HHAT: variants seen among roughly 807,000 people sequenced by gnomAD.
The protein encoded by HHAT is protein-cysteine N-palmitoyltransferase HHAT.
In HHAT, 47 loss-of-function variants were observed where a neutral mutation model predicts 70.8. The ratio of observed to expected loss-of-function variants is 0.66; its 90% CI spans 0.53 to 0.85. HHAT has a LOEUF of 0.85. Among genes scored for constraint, HHAT ranks in the 40% least tolerant of loss-of-function variants. The pLI is 0.00. For synonymous variants in HHAT, 228 were observed against 247.6 expected (o/e 0.92, Z 0.74); for missense variants, 609 against 604.8 (o/e 1.01, Z -0.07).
At chr1:210,581,294 T>C (rs1394005027) in intron 9 of HHAT, among the ~76,000 whole-genome samples, 1 of 152,248 alleles carries the variant, frequency 6.6e-6, no homozygotes, top group East Asian at 1.9e-4. Context: ...TTCTGAGAAC[T>C]ACCTAGAAGA....
At chr1:210,390,092 A>G (rs2091354617) in intron 4 of HHAT, among the ~76,000 whole-genome samples, 1 of 152,228 alleles carries the variant, frequency 6.6e-6, no homozygotes, top group Non-Finnish European at 1.5e-5. Context: ...GGTTGAAGTA[A>G]GTTTAAATAT....
intron 7 of HHAT, among the ~76,000 whole-genome samples, chr1:210,440,430 A>G (rs1243703490): frequency 1.3e-5 from 2 of 151,616 alleles, no homozygotes; most frequent in African/African-American, 2.4e-5. Context: ...TTCTACCCCC[A>G]TGGCAATCAG....
At chr1:210,471,936 A>G (rs563106293) in intron 8 of HHAT, among the ~76,000 whole-genome samples, 20 of 152,296 alleles carry the variant, frequency 1.3e-4, no homozygotes, top group African/African-American at 4.1e-4. Context: ...TACTCCTTCT[A>G]ACTGAAATTT....
intron 3 of HHAT, among the ~76,000 whole-genome samples, chr1:210,365,956 A>C (rs2088917001): frequency 6.7e-6 from 1 of 148,826 alleles, no homozygotes; most frequent in African/African-American, 2.5e-5. Flanking sequence ...AAGAGATGTG[A>C]TCCTGCTCTG....
chr1:210,616,984 T>C (rs1297176869), intron 10 of HHAT, among the ~76,000 whole-genome samples: 3 of 152,242 alleles, frequency 2.0e-5, no homozygotes, highest in Non-Finnish European at 4.4e-5. Flanking sequence ...AGGATTGGGA[T>C]GATCTACATT....
chr1:210,478,747 C>G (rs1207470498), intron 8 of HHAT, among the ~76,000 whole-genome samples: 1 of 152,146 alleles, frequency 6.6e-6, no homozygotes, highest in Admixed American at 6.5e-5. Context: ...CTCAAGAAAT[C>G]TATGCAGGCT....
At chr1:210,501,815 C>T (rs1255739186) in intron 8 of HHAT, among the ~76,000 whole-genome samples, 1 of 152,150 alleles carries the variant, frequency 6.6e-6, no homozygotes, top group Non-Finnish European at 1.5e-5. Context: ...AATGTCCACA[C>T]ACAAAAACTG....
intron 9 of HHAT, among the ~76,000 whole-genome samples, chr1:210,524,390 C>T (rs2095214070): frequency 1.3e-5 from 2 of 152,106 alleles, no homozygotes; most frequent in Non-Finnish European, 2.9e-5. Context: ...CAGCGGGCAA[C>T]ACAGAGATGA....
intron 9 of HHAT, among the ~76,000 whole-genome samples, chr1:210,536,000 T>A (rs1429207443): frequency 1.3e-5 from 2 of 152,156 alleles, no homozygotes; most frequent in Non-Finnish European, 2.9e-5. Context: ...CCTGGGGAGA[T>A]TAGGGCATAT....
At chr1:210,566,513 C>G (rs879553598) in intron 9 of HHAT, among the ~76,000 whole-genome samples, 3 of 152,044 alleles carry the variant, frequency 2.0e-5, no homozygotes, top group Admixed American at 1.3e-4. Flanking sequence ...ATATAAACCC[C>G]AAACCCCAGG....
intron 7 of HHAT, among the ~76,000 whole-genome samples, chr1:210,455,666 G>A (rs939202829): frequency 4.6e-5 from 7 of 152,098 alleles, no homozygotes; most frequent in Non-Finnish European, 1.0e-4. Flanking sequence ...GTTCCTATCT[G>A]TAAAATGGGG....
At chr1:210,480,176 G>T (rs758694323) in intron 8 of HHAT, among the ~76,000 whole-genome samples, 1 of 152,112 alleles carries the variant, frequency 6.6e-6, no homozygotes, top group Non-Finnish European at 1.5e-5. Flanking sequence ...GGTAGAACAA[G>T]GTGTAGTCAC....
intron 7 of HHAT, among the ~76,000 whole-genome samples, chr1:210,460,705 G>T (rs901032623): frequency 2.0e-5 from 3 of 152,210 alleles, no homozygotes; most frequent in African/African-American, 7.2e-5. Flanking sequence ...TTTGAGCTGG[G>T]ATCTGAAGGA....
In HHAT at chr1:210,404,592, C is replaced by A; in HGVS notation, c.597C>A (p.Tyr199Ter). 6.2e-7 allele frequency: 1 copy of A among 1,614,158 alleles called. No homozygotes were observed. Among genetic ancestry groups the A allele is most frequent in the Admixed American group, 1.7e-5 (1 of 60,024 alleles). The change falls in exon 6 of 12, where the codon TAC becomes TAA. Residue 199 changes from tyrosine to a stop codon, truncating the protein, a stop_gained. Coordinates refer to ENST00000261458, the MANE Select transcript of HHAT (RefSeq NM_018194.6). LOFTEE classifies it high-confidence loss of function. ...WQQLPAASTS[Y>*]SFPWMLAYVF... The stretch of plus-strand genomic sequence containing the variant: ...AGCTGCCTGCTGCATCGACCTCCTA[C>A]TCCTTTCCCTGGATGCTGGCCTATG...
intron 3 of HHAT, among the ~76,000 whole-genome samples, chr1:210,368,950 T>C (rs1055406984): frequency 6.6e-6 from 1 of 151,892 alleles, no homozygotes; most frequent in Non-Finnish European, 1.5e-5. Context: ...TGGTGGCGGG[T>C]GCCTATAATC....
chr1:210,601,444 A>T (rs1664246407), intron 10 of HHAT, among the ~76,000 whole-genome samples: 1 of 152,070 alleles, frequency 6.6e-6, no homozygotes, highest in African/African-American at 2.4e-5. Flanking sequence ...TTCCTCCTCC[A>T]TTTGGATTTC....
At chr1:210,549,268 C>T (rs764169613) in intron 9 of HHAT, among the ~76,000 whole-genome samples, 2 of 149,050 alleles carry the variant, frequency 1.3e-5, no homozygotes, top group African/African-American at 2.5e-5. Context: ...CAGATGTTGT[C>T]TGTTTTTCAG....
chr1:210,610,757 T>A (rs981972903), intron 10 of HHAT, among the ~76,000 whole-genome samples: 2 of 152,206 alleles, frequency 1.3e-5, no homozygotes, highest in Non-Finnish European at 2.9e-5. Context: ...CCAGCACCAT[T>A]TTTTAAATAG....
intron 3 of HHAT, among the ~76,000 whole-genome samples, chr1:210,363,344 G>A (rs75561000): frequency 0.029 from 4,468 of 152,212 alleles, 232 homozygotes; most frequent in African/African-American, 0.1. Context: ...CACATCCCTC[G>A]TCCCTCTGGT....
Sources: gnomAD v4.1 joint callset for allele counts (sites outside exome capture counted in the v4.1 genomes callset) on GRCh38, gnomAD v4.1.1 for gene constraint, MANE v1.5 for transcripts, NCBI Gene and HGNC (gene_info 2026-07-23, HGNC 2026-07-21) for gene names.